Variants in FOXP2 observed in about 807,000 individuals in gnomAD.
The protein encoded by FOXP2 is forkhead box P2.
FOXP2 carries 12 observed loss-of-function variants against 115.8 expected under a neutral mutation model. That is an observed-to-expected ratio of 0.10 (90% CI 0.07 to 0.17). FOXP2 has a LOEUF of 0.17. FOXP2 is among the 10% of genes least tolerant of loss of function. The probability of loss-of-function intolerance (pLI) is 1.00; values close to 1 mark genes in which losing one functional copy is unlikely to be tolerated. For synonymous variants in FOXP2, 328 were observed against 297.7 expected (o/e 1.10, Z -1.05); for missense variants, 629 against 843.5 (o/e 0.75, Z 3.15).
At chr7:114,665,946 G>T (rs1000097737) in intron 16 of FOXP2, 1 of 151,846 alleles carries the variant, frequency 6.6e-6, no homozygotes, top group Non-Finnish European at 1.5e-5. Context: ...AATAATAATT[G>T]GGCTAAATTG....
At chr7:114,413,403 TA>T (rs138597622), upstream of FOXP2, among the ~76,000 whole-genome samples, 4 of 151,944 alleles carry the variant, frequency 2.6e-5, no homozygotes, top group East Asian at 1.9e-4. Flanking sequence ...CACAATCTGA[TA>T]AAAAAATGTT....
At position 114,644,774 on chromosome 7, in the gene FOXP2, T is replaced by A; in HGVS notation, c.1079T>A (p.Phe360Tyr). ...GGCTGTGAAAGCATTTGTGAAGATTTTGGACAGTTTTTAAAGTAGGTTTTT... is the reference window on the plus strand; with the variant it reads ...GGCTGTGAAAGCATTTGTGAAGATTATGGACAGTTTTTAAAGTAGGTTTTT... Reference protein sequence around the residue: ...WPGCESICEDFGQFLKHLNNE... With the variant: ...WPGCESICEDYGQFLKHLNNE... The change falls in exon 8 of 17, where the codon TTT (phenylalanine) becomes TAT (tyrosine). Residue 360 changes from phenylalanine (F) to tyrosine (Y), a missense_variant. This residue lies in a region of FOXP2 where 24 missense variants were observed against 76.3 expected (regional missense o/e 0.31). Coordinates refer to ENST00000350908, the MANE Select transcript of FOXP2 (RefSeq NM_014491.4). 1 of 1,613,864 alleles carries A rather than the reference T, an allele frequency of 6.2e-7. No homozygotes were observed. Among genetic ancestry groups the A allele is most frequent in the Middle Eastern group, 1.6e-4 (1 of 6,062 alleles).
At chr7:114,152,609 C>G (rs1792556167) in intron 1 of FOXP2, among the ~76,000 whole-genome samples, 1 of 152,114 alleles carries the variant, frequency 6.6e-6, no homozygotes, top group Admixed American at 6.5e-5. Context: ...TGGAACATCG[C>G]CTACATGAAA....
chr7:114,516,640 G>C (rs748841342), intron 2 of FOXP2, among the ~76,000 whole-genome samples: 2 of 151,336 alleles, frequency 1.3e-5, no homozygotes, highest in Admixed American at 1.3e-4. Context: ...GCGTACAAAG[G>C]TTTCACATCC....
intron 1 of FOXP2, among the ~76,000 whole-genome samples, chr7:114,140,018 T>G (rs1584502216): frequency 6.6e-6 from 1 of 151,776 alleles, no homozygotes; most frequent in Non-Finnish European, 1.5e-5. Context: ...GAGGCTAAGG[T>G]GGGAGAATCA....
At chr7:114,106,012 T>G (rs1791102910) in intron 1 of FOXP2, among the ~76,000 whole-genome samples, 1 of 152,050 alleles carries the variant, frequency 6.6e-6, no homozygotes, top group South Asian at 2.1e-4. Context: ...CTTCTGTAGT[T>G]TTTTGCAGCA....
Position 114,402,636 on chromosome 7 carries a change from T to G in FOXP2, c.-10-23866T>G, listed in dbSNP as rs575840274. ...ATGCAAGCAATTTTTTTTTTTTTTT[T>G]TGAGACAGGGTCTTGCTCTGTCACC... On this transcript the variant is annotated intron_variant, in intron 2 of 17. Coordinates refer to the FOXP2 transcript ENST00000634411. 3.4e-3 allele frequency among the ~76,000 whole-genome samples: 521 copies of G among 151,928 alleles called. 3 individuals carry two copies. Among genetic ancestry groups the G allele is most frequent in the Middle Eastern group, 0.01 (3 of 292 alleles).
intron 2 of FOXP2, among the ~76,000 whole-genome samples, chr7:114,289,123 C>A (rs1216347653): frequency 1.3e-5 from 2 of 151,786 alleles, no homozygotes; most frequent in Non-Finnish European, 2.9e-5. Flanking sequence ...ATTTTACCTT[C>A]TGTTTGGCCT....
chr7:114,361,267 A>C (rs970267143), intron 2 of FOXP2, among the ~76,000 whole-genome samples: 1 of 152,130 alleles, frequency 6.6e-6, no homozygotes, highest in Non-Finnish European at 1.5e-5. Flanking sequence ...ATAATTAAGA[A>C]TTGATTTCAG....
chr7:114,505,545 G>GT (rs1797765976), intron 2 of FOXP2, among the ~76,000 whole-genome samples: 1 of 150,414 alleles, frequency 6.6e-6, no homozygotes, highest in African/African-American at 2.4e-5. Context: ...CAAATAATAG[G>GT]TGAAGTTAGG....
At chr7:114,492,719 G>A (rs1797124184) in intron 2 of FOXP2, among the ~76,000 whole-genome samples, 1 of 152,176 alleles carries the variant, frequency 6.6e-6, no homozygotes, top group Non-Finnish European at 1.5e-5. Flanking sequence ...CAGTTGAGCA[G>A]TTTTGAGTGA....
chr7:114,138,740 A>T (rs1361558404), intron 1 of FOXP2, among the ~76,000 whole-genome samples: 3 of 152,052 alleles, frequency 2.0e-5, no homozygotes, highest in Non-Finnish European at 4.4e-5. Flanking sequence ...CAGTTGAGGG[A>T]CATTTTACAA....
At chr7:114,115,317 G>T (rs199786778) in intron 1 of FOXP2, among the ~76,000 whole-genome samples, 1 of 152,128 alleles carries the variant, frequency 6.6e-6, no homozygotes, top group East Asian at 1.9e-4. Flanking sequence ...TCTCCAGAAG[G>T]TTCTCTAACA....
intron 1 of FOXP2, among the ~76,000 whole-genome samples, chr7:114,237,999 A>AAC (rs1300871901): frequency 1.3e-5 from 2 of 152,128 alleles, no homozygotes; most frequent in African/African-American, 2.4e-5. Flanking sequence ...CAAACTAACA[A>AAC]ACACACACAC....
Position 114,692,598 on chromosome 7 carries a change from T to TGCAAA in FOXP2, c.*2672_*2673insGCAAA, listed in dbSNP as rs1808722857. 10 of 451,742 alleles carry TGCAAA rather than the reference T, an allele frequency of 2.2e-5. No individual in the cohort carries two copies. Among genetic ancestry groups the TGCAAA allele is most frequent in the Non-Finnish European group, 4.4e-5 (10 of 226,054 alleles). The allele number at this position is 451,742 out of a possible 1,614,324, so 28.0% of individuals were successfully genotyped here. ...CTTGCTAGTAATAGCAAATCTGCTT[T>TGCAAA]TCTGCATCTGCTTTGCGTAGCTATT... On this transcript the variant is annotated 3_prime_UTR_variant, in exon 17 of 17. Coordinates refer to ENST00000350908, the MANE Select transcript of FOXP2 (RefSeq NM_014491.4).
intron 3 of FOXP2, among the ~76,000 whole-genome samples, chr7:114,545,715 G>A (rs778152838): frequency 1.8e-4 from 27 of 152,154 alleles, no homozygotes; most frequent in Non-Finnish European, 3.2e-4. Flanking sequence ...ACTACTTATA[G>A]TTACTCAAAC....
intron 2 of FOXP2, among the ~76,000 whole-genome samples, chr7:114,294,670 G>T (rs748298808): frequency 6.6e-6 from 1 of 151,742 alleles, no homozygotes; most frequent in South Asian, 2.1e-4. Flanking sequence ...GTGAAACTCC[G>T]TCTTTACTGA....
intron 1 of FOXP2, among the ~76,000 whole-genome samples, chr7:114,421,707 A>C (rs1177847096): frequency 6.6e-6 from 1 of 151,736 alleles, no homozygotes; most frequent in African/African-American, 2.4e-5. Context: ...GTTTTTAAAA[A>C]TTGAAAATAT....
chr7:114,294,216 G>A (rs1217095178), intron 2 of FOXP2, among the ~76,000 whole-genome samples: 1 of 152,178 alleles, frequency 6.6e-6, no homozygotes, highest in East Asian at 1.9e-4. Context: ...ATGTTGGAGA[G>A]TTGTGCTTAC....
Sources: allele counts gnomAD v4.1 joint callset (sites outside exome capture counted in the v4.1 genomes callset), GRCh38; gene constraint gnomAD v4.1.1; regional missense constraint gnomAD v4.1.1; transcripts MANE v1.5; gene names NCBI Gene and HGNC (gene_info 2026-07-23, HGNC 2026-07-21).